Variants in FOXN3 observed in about 807,000 individuals in gnomAD.
FOXN3 encodes forkhead box N3.
Under a neutral mutation model 38.4 loss-of-function variants are expected in FOXN3, and 7 were observed. The observed-to-expected ratio is 0.18, with a 90% CI of 0.10 to 0.34. The LOEUF (loss-of-function observed/expected upper bound fraction) is 0.34, where lower values mean the gene tolerates loss of function less well. Ranked by LOEUF, FOXN3 falls within the 10% of genes least tolerant of loss-of-function variation. The pLI, the probability that FOXN3 is intolerant of heterozygous loss-of-function variation, is 1.00. For synonymous variants in FOXN3, 230 were observed against 242.2 expected (o/e 0.95, Z 0.47); for missense variants, 456 against 613.4 (o/e 0.74, Z 2.71).
intron 3 of FOXN3, among the ~76,000 whole-genome samples, chr14:89,295,750 G>A (rs561216291): frequency 6.8e-6 from 1 of 147,932 alleles, no homozygotes; most frequent in African/African-American, 2.5e-5. Context: ...ACCATGCCTG[G>A]CTAATTTTTG....
intron 5 of FOXN3, among the ~76,000 whole-genome samples, chr14:89,169,749 A>C (rs924272215): frequency 6.6e-6 from 1 of 152,208 alleles, no homozygotes; most frequent in Non-Finnish European, 1.5e-5. Context: ...AGAAAAACAG[A>C]ATGGGTAACT....
At chr14:89,607,102 G>C (rs1896290458) in intron 1 of FOXN3, among the ~76,000 whole-genome samples, 1 of 152,184 alleles carries the variant, frequency 6.6e-6, no homozygotes. Flanking sequence ...AAATATCAGT[G>C]AGAATATGAA....
intron 4 of FOXN3, among the ~76,000 whole-genome samples, chr14:89,270,560 C>T (rs1057041294): frequency 1.1e-4 from 17 of 152,314 alleles, no homozygotes; most frequent in African/African-American, 4.1e-4. Context: ...ATGAGTTGCT[C>T]GAGGTCACTC....
chr14:89,178,155 T>A lies in FOXN3; in HGVS notation c.851+2546A>T, dbSNP rs532134985. Among the ~76,000 whole-genome samples, 5 of 151,398 alleles carry A rather than the reference T, an allele frequency of 3.3e-5. No homozygotes were observed. In the East Asian group the frequency reaches 9.7e-4, roughly 29 times the overall value. On this transcript the variant is annotated intron_variant, in intron 5 of 5. Transcript: ENST00000557258. The stretch of plus-strand genomic sequence containing the variant: ...CCAGAGTGGCTAGGTCACAGGTGTG[T>A]GCCACCATGCCCAGGTCATTTTTTT...
intron 1 of FOXN3, among the ~76,000 whole-genome samples, chr14:89,574,044 A>C (rs1895548862): frequency 6.6e-6 from 1 of 152,138 alleles, no homozygotes; most frequent in African/African-American, 2.4e-5. Context: ...AAATAAAATA[A>C]AGTAAAAAGA....
At chr14:89,179,273 TA>T (rs1566922252) in intron 5 of FOXN3, among the ~76,000 whole-genome samples, 1 of 152,232 alleles carries the variant, frequency 6.6e-6, no homozygotes, top group East Asian at 1.9e-4. Flanking sequence ...TCAGAACCTA[TA>T]GACCTTTGCT....
chr14:89,191,772 C>T (rs556887000), intron 4 of FOXN3, among the ~76,000 whole-genome samples: 2 of 148,662 alleles, frequency 1.3e-5, no homozygotes, highest in South Asian at 2.1e-4. Context: ...AAAAATAGAA[C>T]TTGACTTTGA....
intron 1 of FOXN3, among the ~76,000 whole-genome samples, chr14:89,415,397 A>C (rs140105015): frequency 1.5e-3 from 225 of 152,186 alleles, no homozygotes; most frequent in African/African-American, 5.1e-3. Context: ...ACTGCCAGCA[A>C]TATGGTTTTA....
chr14:89,357,271 C>T (rs1243396514), intron 2 of FOXN3, among the ~76,000 whole-genome samples: 2 of 151,502 alleles, frequency 1.3e-5, no homozygotes, highest in African/African-American at 2.4e-5. Flanking sequence ...GCCACTGCAC[C>T]CCAACCTGGG....
rs1894926045 is a variant in FOXN3, at chr14:89,548,354, T to C, written c.-15+70674A>G. On this transcript the variant is annotated intron_variant, in intron 1 of 6. Transcript: ENST00000345097. This position sits in a 1 kb window ranked among gnomAD's most constrained non-coding sequence, Gnocchi z 4.8. ...TATGCATGTATGCGGCTAGGCTACATATACGGTTATAAAGATGTGCACATA... is the reference window on the plus strand; with the variant it reads ...TATGCATGTATGCGGCTAGGCTACACATACGGTTATAAAGATGTGCACATA... Among the ~76,000 whole-genome samples, 1 of 152,204 alleles carries C rather than the reference T, an allele frequency of 6.6e-6. No homozygotes were observed. Among genetic ancestry groups the C allele is most frequent in the African/African-American group, 2.4e-5 (1 of 41,442 alleles).
chr14:89,410,709 C>T (rs1368523388), intron 2 of FOXN3, among the ~76,000 whole-genome samples: 1 of 151,870 alleles, frequency 6.6e-6, no homozygotes, highest in African/African-American at 2.4e-5. Flanking sequence ...ACCATCTCTA[C>T]AAAAAGTATA....
At chr14:89,356,514 A>G (rs1261100686) in intron 2 of FOXN3, 1 of 152,250 alleles carries the variant, frequency 6.6e-6, no homozygotes, top group Non-Finnish European at 1.5e-5. Flanking sequence ...TATTTAAGAC[A>G]ATTGTAACCC....
intron 2 of FOXN3, among the ~76,000 whole-genome samples, chr14:89,407,998 C>CAAAAAT (rs1447707678): frequency 6.6e-6 from 1 of 152,134 alleles, no homozygotes; most frequent in Non-Finnish European, 1.5e-5. Context: ...TTCCGTGATT[C>CAAAAAT]AAAAATAAAA....
At chr14:89,454,435 T>C (rs1219277913) in intron 1 of FOXN3, among the ~76,000 whole-genome samples, 4 of 152,234 alleles carry the variant, frequency 2.6e-5, no homozygotes, top group Non-Finnish European at 4.4e-5. Context: ...AAAATGTTTA[T>C]TGTTTAAGCC....
intron 2 of FOXN3, among the ~76,000 whole-genome samples, chr14:89,352,281 C>T (rs757385209): frequency 7.2e-5 from 11 of 152,178 alleles, no homozygotes; most frequent in African/African-American, 1.2e-4. Flanking sequence ...TTTCCTTTCA[C>T]GCACACATTC....
At chr14:89,222,076 A>G (rs1344940404) in intron 4 of FOXN3, among the ~76,000 whole-genome samples, 1 of 152,316 alleles carries the variant, frequency 6.6e-6, no homozygotes, top group East Asian at 1.9e-4. Context: ...TCGGCCTCCC[A>G]AAGTGCTGGG....
chr14:89,536,755 G>T (rs1894695683), intron 1 of FOXN3, among the ~76,000 whole-genome samples: 1 of 151,870 alleles, frequency 6.6e-6, no homozygotes, highest in Admixed American at 6.6e-5. Context: ...TCCAGCCTGG[G>T]CGACAGAGCA....
intron 3 of FOXN3, among the ~76,000 whole-genome samples, chr14:89,318,162 C>CTCTTTTT (rs538416217): frequency 5.6e-4 from 71 of 127,492 alleles, no homozygotes; most frequent in Non-Finnish European, 5.0e-4. Context: ...TTCTTCTTCT[C>CTCTTTTT]TTTTTTTTTT....
chr14:89,210,142 T>C (rs893919075), intron 4 of FOXN3, among the ~76,000 whole-genome samples: 1 of 152,344 alleles, frequency 6.6e-6, no homozygotes, highest in South Asian at 2.1e-4. Context: ...TGTTCAGTTG[T>C]AATCCCCAGT....
Sources: allele counts gnomAD v4.1 joint callset (sites outside exome capture counted in the v4.1 genomes callset), GRCh38; gene constraint gnomAD v4.1.1; non-coding constraint Gnocchi (gnomAD v3.1); transcripts MANE v1.5; gene names NCBI Gene and HGNC (gene_info 2026-07-23, HGNC 2026-07-21).